TGFB2: variants seen among roughly 807,000 people sequenced by gnomAD.
TGFB2 encodes the protein transforming growth factor beta 2, also known as transforming growth factor beta-2 proprotein.
In TGFB2, 13 loss-of-function variants were observed where a neutral mutation model predicts 42.7. That is an observed-to-expected ratio of 0.30 (90% CI 0.20 to 0.48). The LOEUF (loss-of-function observed/expected upper bound fraction) is 0.48. TGFB2 is among the 20% of genes least tolerant of loss of function. The pLI, the probability that TGFB2 is intolerant of heterozygous loss-of-function variation, is 0.99. For synonymous variants in TGFB2, 193 were observed against 193.6 expected, an observed-to-expected ratio of 1.00 and a Z score of 0.03; for missense variants, 390 against 517.5, an observed-to-expected ratio of 0.75 and a Z score of 2.39.
intron 1 of TGFB2, among the ~76,000 whole-genome samples, chr1:218,402,967 A>C (rs1558247017): frequency 1.3e-5 from 2 of 152,216 alleles, no homozygotes; most frequent in South Asian, 2.1e-4. Flanking sequence ...GCATAGGACC[A>C]GCTGTTCCAA....
intron 1 of TGFB2, among the ~76,000 whole-genome samples, chr1:218,349,172 G>T (rs923020358): frequency 6.6e-6 from 1 of 152,006 alleles, no homozygotes; most frequent in Non-Finnish European, 1.5e-5. Flanking sequence ...TTCATACAAA[G>T]AATACAGGCT....
chr1:218,364,305 C>A (rs1478075835), intron 1 of TGFB2, among the ~76,000 whole-genome samples: 2 of 152,196 alleles, frequency 1.3e-5, no homozygotes, highest in Non-Finnish European at 2.9e-5. Context: ...AGAGCCAGCA[C>A]CAGGTGTTAG....
At position 218,345,353 on chromosome 1, in the gene TGFB2, G is replaced by A. The variant is rs1051300736; in HGVS notation, c.-1349G>A. ...AAGATCGTGATGTTATCTGCTGGCA[G>A]CAGAAGGTTCGCTCCGAGCGGAGCT... On this transcript the variant is annotated 5_prime_UTR_variant, in exon 1 of 7. Coordinates refer to ENST00000366930, the MANE Select transcript of TGFB2 (RefSeq NM_003238.6). The A allele has an allele frequency of 3.3e-5, 5 of 152,308 alleles. No individual in the cohort carries two copies. Among genetic ancestry groups the A allele is most frequent in the African/African-American group, 1.2e-4 (5 of 41,468 alleles). 9.4% of individuals were successfully genotyped at this position (152,308 alleles called of 1,614,324 possible).
intron 1 of TGFB2, among the ~76,000 whole-genome samples, chr1:218,357,845 G>A (rs1422567664): frequency 6.6e-6 from 1 of 152,168 alleles, no homozygotes; most frequent in African/African-American, 2.4e-5. Flanking sequence ...AAGAGACGCT[G>A]CGTTTCTGAA....
At chr1:218,398,662 G>A (rs11118102) in intron 1 of TGFB2, among the ~76,000 whole-genome samples, 25,929 of 151,416 alleles carry the variant, frequency 0.17, 2,560 homozygotes, top group East Asian at 0.38. Context: ...ATCTCGGCTC[G>A]CTGCAACCTC....
chr1:218,420,463 C>G (rs1659419531), intron 2 of TGFB2, among the ~76,000 whole-genome samples: 1 of 152,202 alleles, frequency 6.6e-6, no homozygotes, highest in East Asian at 1.9e-4. Context: ...ACACAAAGGA[C>G]TCCTTCATCC....
intron 1 of TGFB2, among the ~76,000 whole-genome samples, chr1:218,348,075 GAAAA>G (rs201348790): frequency 2.2e-5 from 3 of 139,334 alleles, no homozygotes; most frequent in African/African-American, 8.1e-5. Context: ...CTTAAAAAAA[GAAAA>G]AAAAGAAAGA....
chr1:218,387,942 C>T (rs557643367), intron 1 of TGFB2, among the ~76,000 whole-genome samples: 22 of 152,044 alleles, frequency 1.4e-4, no homozygotes, highest in African/African-American at 5.1e-4. Flanking sequence ...TTTTCTATGT[C>T]CCCCCACCCC....
intron 1 of TGFB2, among the ~76,000 whole-genome samples, chr1:218,355,080 T>C (rs1174975239): frequency 1.3e-5 from 2 of 152,138 alleles, no homozygotes; most frequent in Non-Finnish European, 2.9e-5. Context: ...TTTTTGTGTT[T>C]TTAGTCAAGA....
At chr1:218,411,639 G>A (rs1659101118) in intron 2 of TGFB2, among the ~76,000 whole-genome samples, 1 of 152,170 alleles carries the variant, frequency 6.6e-6, no homozygotes, top group African/African-American at 2.4e-5. Flanking sequence ...AGAGGCTGAG[G>A]CAGGTGGATC....
In TGFB2 at chr1:218,395,197, G is replaced by A. The variant is rs78625895; in HGVS notation, c.347-9972G>A. Among the ~76,000 whole-genome samples, 26 of 152,264 alleles carry A rather than the reference G, an allele frequency of 1.7e-4. No individual in the cohort carries two copies. The East Asian group carries it at 4.8e-3, about 28-fold the overall frequency. ...GCAGCACTAGGCACCAATGTATGGG[G>A]ATCTGAAAGACCCTGGGCAATACTG... On this transcript the variant is annotated intron_variant, in intron 1 of 6. Transcript: ENST00000366930.
intron 1 of TGFB2, among the ~76,000 whole-genome samples, chr1:218,381,239 C>T (rs1412859928): frequency 6.7e-6 from 1 of 149,582 alleles, no homozygotes; most frequent in African/African-American, 2.5e-5. Flanking sequence ...GCCAAAGGCA[C>T]ATTTTTGTTT....
intron 1 of TGFB2, among the ~76,000 whole-genome samples, chr1:218,393,146 T>C (rs1281729306): frequency 6.6e-6 from 1 of 152,198 alleles, no homozygotes; most frequent in East Asian, 1.9e-4. Context: ...CAAAAGTCCA[T>C]ACTAGTCATT....
chr1:218,351,950 C>T (rs540051310), intron 1 of TGFB2, among the ~76,000 whole-genome samples: 3 of 152,328 alleles, frequency 2.0e-5, no homozygotes, highest in African/African-American at 7.2e-5. Context: ...AAGGAGTTCA[C>T]TGACTTGTAG....
chr1:218,438,712 G>A (rs1014422569), intron 6 of TGFB2, among the ~76,000 whole-genome samples: 1 of 152,246 alleles, frequency 6.6e-6, no homozygotes, highest in Non-Finnish European at 1.5e-5. Flanking sequence ...TTAGAGAAGA[G>A]TTTTTCTATG....
At chr1:218,426,603 A>C (rs912940684) in intron 2 of TGFB2, among the ~76,000 whole-genome samples, 3 of 152,200 alleles carry the variant, frequency 2.0e-5, no homozygotes, top group Non-Finnish European at 4.4e-5. Context: ...TTCAAACATC[A>C]CTGTGGGTGG....
intron 1 of TGFB2, among the ~76,000 whole-genome samples, chr1:218,353,617 C>T (rs1558223916): frequency 1.3e-5 from 2 of 152,216 alleles, no homozygotes; most frequent in Non-Finnish European, 2.9e-5. Context: ...AATCCTTCTG[C>T]CTGGTGTGGT....
chr1:218,425,127 A>T (rs4846480), intron 2 of TGFB2, among the ~76,000 whole-genome samples: 50,313 of 151,990 alleles, frequency 0.33, 9,077 homozygotes, highest in East Asian at 0.71. Context: ...AGAGGGAAAG[A>T]CATTAGTCCA....
intron 1 of TGFB2, among the ~76,000 whole-genome samples, chr1:218,347,885 T>C (rs1019143054): frequency 6.6e-6 from 1 of 151,964 alleles, no homozygotes; most frequent in African/African-American, 2.4e-5. Context: ...GTAGGCTTCC[T>C]GCAGTTACTT....
Sources: allele counts gnomAD v4.1 joint callset (sites outside exome capture counted in the v4.1 genomes callset), GRCh38; gene constraint gnomAD v4.1.1; transcripts MANE v1.5; gene names NCBI Gene and HGNC (gene_info 2026-07-23, HGNC 2026-07-21).